DAP: variants seen among roughly 807,000 people sequenced by gnomAD.
DAP encodes the protein death associated protein.
Under a neutral mutation model 13.8 loss-of-function variants are expected in DAP, and 8 were observed. The ratio of observed to expected loss-of-function variants is 0.58; its 90% CI spans 0.34 to 1.05. DAP has a LOEUF of 1.05. Among genes scored for constraint, DAP ranks in the 50% least tolerant of loss-of-function variants. The pLI is 0.03. For synonymous variants in DAP, 47 were observed against 47.5 expected (o/e 0.99, Z 0.04); for missense variants, 106 against 133.2 (o/e 0.80, Z 1.01).
intron 2 of DAP, among the ~76,000 whole-genome samples, chr5:10,690,966 T>C (rs1256913648): frequency 2.0e-5 from 3 of 150,078 alleles, no homozygotes; most frequent in Non-Finnish European, 3.0e-5. Flanking sequence ...TTTGTTTTAT[T>C]CTGTTTTTTT....
At chr5:10,721,083 T>C (rs1379765788) in intron 2 of DAP, among the ~76,000 whole-genome samples, 1 of 152,210 alleles carries the variant, frequency 6.6e-6, no homozygotes, top group East Asian at 1.9e-4. Flanking sequence ...GGAGTGGCCT[T>C]TTGAAGTCAC....
chr5:10,748,349 T>TTTGGTTG lies in DAP; in HGVS notation c.56-79_56-78insCAACCAA, dbSNP rs1739964375. On this transcript the variant is annotated intron_variant, in intron 1 of 3. Transcript: ENST00000230895. ...GATCAGGGGGACCAGCTGGAAAGGT[T>TTTGGTTG]CTGGTTGCTCAGTGGCCACAAGTCA... 30 of 1,201,404 alleles carry TTTGGTTG rather than the reference T, an allele frequency of 2.5e-5. 2 individuals carry two copies. The highest frequency in any genetic ancestry group is 3.7e-5 in the Non-Finnish European group (30 of 806,960). The allele number at this position is 1,201,404 out of a possible 1,614,324, so 74.4% of individuals were successfully genotyped here.
chr5:10,720,051 T>C (rs563120362), intron 2 of DAP, among the ~76,000 whole-genome samples: 7 of 152,342 alleles, frequency 4.6e-5, no homozygotes, highest in African/African-American at 1.4e-4. Context: ...GATTACATAC[T>C]GATTCATGGG....
intron 2 of DAP, among the ~76,000 whole-genome samples, chr5:10,709,585 G>A (rs1025159209): frequency 6.6e-6 from 1 of 152,230 alleles, no homozygotes; most frequent in Non-Finnish European, 1.5e-5. Flanking sequence ...ACAGGGCTGT[G>A]TGGCTTTCTC....
At chr5:10,727,914 T>C (rs918988199) in intron 2 of DAP, among the ~76,000 whole-genome samples, 2 of 152,086 alleles carry the variant, frequency 1.3e-5, no homozygotes, top group African/African-American at 4.8e-5. Context: ...CCTGATACGA[T>C]GTAAATGCTA....
chr5:10,743,167 A>G (rs1739803712), intron 2 of DAP, among the ~76,000 whole-genome samples: 2 of 152,218 alleles, frequency 1.3e-5, no homozygotes, highest in African/African-American at 4.8e-5. Flanking sequence ...ACTGAAGTAC[A>G]CCATTTATGC....
At chr5:10,730,740 G>A (rs1467380825) in intron 2 of DAP, among the ~76,000 whole-genome samples, 9 of 121,000 alleles carry the variant, frequency 7.4e-5, no homozygotes, top group South Asian at 3.0e-4. Flanking sequence ...TGAGAGCCCT[G>A]GTGGGGGGAA....
At chr5:10,744,913 G>A (rs541226422) in intron 2 of DAP, among the ~76,000 whole-genome samples, 3 of 152,310 alleles carry the variant, frequency 2.0e-5, no homozygotes, top group Admixed American at 2.0e-4. Flanking sequence ...TGTGCCCTCG[G>A]AAAAGTCACT....
chr5:10,720,900 C>T (rs1372131593), intron 2 of DAP, among the ~76,000 whole-genome samples: 1 of 152,220 alleles, frequency 6.6e-6, no homozygotes, highest in African/African-American at 2.4e-5. Flanking sequence ...AGACTACCAG[C>T]CGTGGACTCG....
chr5:10,761,173 G>A lies in DAP; in HGVS notation c.-105C>T. On this transcript the variant is annotated 5_prime_UTR_variant, in exon 1 of 4. Coordinates refer to ENST00000230895, the MANE Select transcript of DAP (RefSeq NM_004394.3). Reference sequence around the variant, plus strand: ...TGAGCGCCGGGGAGCGAGCGGGCGGGAGAACGACGCGCGCGCGTGGGGCGC... The same window carrying A: ...TGAGCGCCGGGGAGCGAGCGGGCGGAAGAACGACGCGCGCGCGTGGGGCGC... The A allele has an allele frequency of 1.7e-6, 1 of 598,850 alleles. No individual in the cohort carries two copies. Among genetic ancestry groups the A allele is most frequent in the Non-Finnish European group, 2.3e-6 (1 of 433,858 alleles). 37.1% of individuals were successfully genotyped at this position (598,850 alleles called of 1,614,324 possible).
rs369437281 is a variant in DAP at position 10,742,924 on chromosome 5, A to ACCATCCAT, written c.152+5243_152+5250dup. Among the ~76,000 whole-genome samples the ACCATCCAT allele has an allele frequency of 5.2e-3, 702 of 134,294 alleles. 2 individuals are homozygous for ACCATCCAT. The highest frequency in any genetic ancestry group is 0.018 in the African/African-American group (634 of 35,128). 88.1% of individuals were successfully genotyped at this position (134,294 alleles called of 152,430 possible). ...TATCTGTATAGGTATGTTTGTATCT[A>ACCATCCAT]CCATCCATCCATCCATCCATCCATC... On this transcript the variant is annotated intron_variant, in intron 2 of 3. Coordinates refer to ENST00000230895, the MANE Select transcript of DAP (RefSeq NM_004394.3).
chr5:10,690,452 TC>T (rs1272753253), intron 2 of DAP, among the ~76,000 whole-genome samples: 1 of 152,208 alleles, frequency 6.6e-6, no homozygotes, highest in Non-Finnish European at 1.5e-5. Context: ...AGAAAGTCTG[TC>T]CCCATTAAAC....
chr5:10,708,299 C>T (rs1410692873), intron 2 of DAP, among the ~76,000 whole-genome samples: 1 of 151,490 alleles, frequency 6.6e-6, no homozygotes, highest in African/African-American at 2.4e-5. Context: ...AGTGCACACA[C>T]ACACATAGAG....
chr5:10,708,372 G>A (rs1317021583), intron 2 of DAP, among the ~76,000 whole-genome samples: 1 of 146,618 alleles, frequency 6.8e-6, no homozygotes, highest in Admixed American at 6.7e-5. Context: ...ATACACACAT[G>A]CACAGACATA....
At chr5:10,748,368 CA>C in intron 1 of DAP, 97 bp from the exon 2 acceptor site, 1 of 902,558 alleles carries the variant, frequency 1.1e-6, no homozygotes, top group Non-Finnish European at 1.8e-6. Context: ...TCAGTGGCCA[CA>C]AGTCAGTCTG....
chr5:10,700,252 G>A (rs748120006), intron 2 of DAP, among the ~76,000 whole-genome samples: 3 of 152,140 alleles, frequency 2.0e-5, no homozygotes, highest in Non-Finnish European at 4.4e-5. Flanking sequence ...CACATGGCTG[G>A]GCAGATAAGT....
intron 2 of DAP, among the ~76,000 whole-genome samples, chr5:10,720,767 T>A (rs267977): frequency 0.93 from 141,591 of 152,260 alleles, 66,149 homozygotes; most frequent in Non-Finnish European, 0.97. Flanking sequence ...ACCTAGTGAC[T>A]AGTTGATTAT....
intron 2 of DAP, among the ~76,000 whole-genome samples, chr5:10,694,355 CCTACCTT>C (rs940642530): frequency 6.6e-6 from 1 of 151,640 alleles, no homozygotes; most frequent in African/African-American, 2.4e-5. Context: ...AGCAACAGAC[CCTACCTT>C]CTTAGGTGAC....
rs141093815 is a variant in DAP at position 10,749,869 on chromosome 5, C to T, written c.56-1598G>A. Among the ~76,000 whole-genome samples the T allele has an allele frequency of 5.3e-5, 8 of 152,020 alleles. No individual in the cohort carries two copies. In the East Asian group the frequency reaches 1.5e-3, roughly 29 times the overall value. On this transcript the variant is annotated intron_variant, in intron 1 of 3. Coordinates refer to ENST00000230895, the MANE Select transcript of DAP (RefSeq NM_004394.3). ...CAAAAAGCCAGCCTCGCATGGTAGCCACCAGCATGTGTTTGGGGTCGGCAC... is the reference window on the plus strand; with the variant it reads ...CAAAAAGCCAGCCTCGCATGGTAGCTACCAGCATGTGTTTGGGGTCGGCAC...
Sources: gnomAD v4.1 joint callset for allele counts (sites outside exome capture counted in the v4.1 genomes callset) on GRCh38, gnomAD v4.1.1 for gene constraint, MANE v1.5 for transcripts, NCBI Gene and HGNC (gene_info 2026-07-23, HGNC 2026-07-21) for gene names.